EIF4G3: variants seen among roughly 807,000 people sequenced by gnomAD.
EIF4G3 encodes eukaryotic translation initiation factor 4 gamma 3.
In EIF4G3, 34 loss-of-function variants were observed where a neutral mutation model predicts 186.4. That is an observed-to-expected ratio of 0.18 (90% CI 0.14 to 0.24). EIF4G3 has a LOEUF of 0.24. EIF4G3 is among the 10% of genes least tolerant of loss of function. The pLI is 1.00. For missense variants in EIF4G3, 1,536 were observed against 1,948.5 expected (o/e 0.79, Z 3.99); for synonymous variants, 673 against 679.5 (o/e 0.99, Z 0.15).
chr1:21,176,313 G>T lies in EIF4G3; in HGVS notation c.-410C>A. On this transcript the variant is annotated 5_prime_UTR_variant, in exon 2 of 37. Coordinates refer to ENST00000602326, the MANE Select transcript of EIF4G3 (RefSeq NM_001391906.1). The stretch of plus-strand genomic sequence containing the variant: ...AGGCGGTACCGCTGCTGCCGCCGCC[G>T]CCGCCGCTCCGGTGCCGGGTCCGGT... The T allele has an allele frequency of 3.7e-6, 1 of 269,318 alleles. No homozygotes were observed. The highest frequency in any genetic ancestry group is 6.7e-6 in the Non-Finnish European group (1 of 149,046). 16.7% of individuals were successfully genotyped at this position (269,318 alleles called of 1,614,324 possible).
intron 33 of EIF4G3, 150 bp from the exon 34 acceptor site, chr1:20,817,688 T>G (rs1007792853): frequency 4.6e-5 from 20 of 430,254 alleles, no homozygotes; most frequent in Admixed American, 4.6e-4. Flanking sequence ...GTAGTTTTTT[T>G]TTTTTTTTTT....
chr1:21,129,486 AC>A (rs2097112762), intron 2 of EIF4G3, among the ~76,000 whole-genome samples: 1 of 152,060 alleles, frequency 6.6e-6, no homozygotes, highest in Non-Finnish European at 1.5e-5. Flanking sequence ...CACATCTCTC[AC>A]AGTTGCTCAT....
intron 34 of EIF4G3, among the ~76,000 whole-genome samples, chr1:20,816,465 G>A (rs567983784): frequency 6.8e-4 from 72 of 105,554 alleles, no homozygotes; most frequent in Admixed American, 2.1e-3. Context: ...CCCTCTGCCC[G>A]GCCAGTCGCC....
chr1:21,088,077 CAG>C (rs941815929), intron 3 of EIF4G3, among the ~76,000 whole-genome samples: 1 of 151,708 alleles, frequency 6.6e-6, no homozygotes, highest in African/African-American at 2.4e-5. Context: ...GCCTGGGTGA[CAG>C]AGTGAGACCC....
chr1:20,811,536 C>T (rs925226838), intron 35 of EIF4G3, among the ~76,000 whole-genome samples: 2 of 152,216 alleles, frequency 1.3e-5, no homozygotes, highest in Non-Finnish European at 2.9e-5. Context: ...GACATTCTCT[C>T]ACAAATAATA....
At chr1:20,876,694 T>C (rs1389835987) in intron 20 of EIF4G3, among the ~76,000 whole-genome samples, 3 of 152,166 alleles carry the variant, frequency 2.0e-5, no homozygotes, top group African/African-American at 7.2e-5. Flanking sequence ...GTTGTTATCT[T>C]ATAATTTAAA....
chr1:20,978,893 C>A (rs1468162157), intron 10 of EIF4G3, among the ~76,000 whole-genome samples: 1 of 151,528 alleles, frequency 6.6e-6, no homozygotes, highest in Non-Finnish European at 1.5e-5. Context: ...GTTGCTTTGC[C>A]TACTTCACCT....
chr1:20,810,623 G>C lies in EIF4G3; in HGVS notation c.4744+115C>G. On this transcript the variant is annotated intron_variant, in intron 36 of 36. Coordinates refer to ENST00000602326, the MANE Select transcript of EIF4G3 (RefSeq NM_001391906.1). The surrounding 1 kb of genome is among the most constrained non-coding windows in gnomAD (Gnocchi z 4.1). Reference sequence around the variant, plus strand: ...TTATTAAAGTTAGTTATATGAGTTTGTGTTATTAGTGATTCTTTTATTGTC... The same window carrying C: ...TTATTAAAGTTAGTTATATGAGTTTCTGTTATTAGTGATTCTTTTATTGTC... 8.2e-7 allele frequency: 1 copy of C among 1,221,076 alleles called. No homozygotes were observed. The highest frequency in any genetic ancestry group is 1.2e-6 in the Non-Finnish European group (1 of 860,352). 75.6% of individuals were successfully genotyped at this position (1,221,076 alleles called of 1,614,324 possible). A position where few individuals can be genotyped will look rare whatever the true frequency, so the allele number is the denominator to read the frequency against.
At chr1:21,026,317 T>C (rs2092080306) in intron 4 of EIF4G3, among the ~76,000 whole-genome samples, 1 of 152,024 alleles carries the variant, frequency 6.6e-6, no homozygotes, top group Non-Finnish European at 1.5e-5. Context: ...CAACAAATGG[T>C]TCTGGGAGAA....
intron 25 of EIF4G3, among the ~76,000 whole-genome samples, chr1:20,856,958 C>T (rs534324104): frequency 4.0e-5 from 6 of 151,858 alleles, no homozygotes; most frequent in Non-Finnish European, 2.9e-5. Flanking sequence ...GTCAGGAGAT[C>T]GAGACCATCC....
At chr1:20,896,112 G>A (rs567067129) in intron 16 of EIF4G3, among the ~76,000 whole-genome samples, 1 of 152,124 alleles carries the variant, frequency 6.6e-6, no homozygotes, top group East Asian at 1.9e-4. Context: ...TCCTTAACAA[G>A]TAAAAAGATA....
At chr1:21,059,790 A>G (rs2094790872) in intron 3 of EIF4G3, among the ~76,000 whole-genome samples, 1 of 152,234 alleles carries the variant, frequency 6.6e-6, no homozygotes, top group Non-Finnish European at 1.5e-5. Flanking sequence ...TTTCTTATTT[A>G]GTAACTATCC....
At position 20,810,607 on chromosome 1, in the gene EIF4G3, T is replaced by G; in HGVS notation, c.4744+131A>C. ...CCGGCCAAATTCAAATTTATTAAAGTTAGTTATATGAGTTTGTGTTATTAG... is the reference window on the plus strand; with the variant it reads ...CCGGCCAAATTCAAATTTATTAAAGGTAGTTATATGAGTTTGTGTTATTAG... On this transcript the variant is annotated intron_variant, in intron 36 of 36. Transcript: ENST00000602326. This position sits in a 1 kb window ranked among gnomAD's most constrained non-coding sequence, Gnocchi z 4.1. 1 of 1,120,958 alleles carries G rather than the reference T, an allele frequency of 8.9e-7. No individual in the cohort carries two copies. Among genetic ancestry groups the G allele is most frequent in the Non-Finnish European group, 1.3e-6 (1 of 789,178 alleles). The allele number at this position is 1,120,958 out of a possible 1,614,324, so 69.4% of individuals were successfully genotyped here. A position where few individuals can be genotyped will look rare whatever the true frequency, so the allele number is the denominator to read the frequency against.
At chr1:20,867,703 C>T (rs531411717) in intron 20 of EIF4G3, among the ~76,000 whole-genome samples, 2 of 152,216 alleles carry the variant, frequency 1.3e-5, no homozygotes, top group South Asian at 4.1e-4. Context: ...ATTGTAATAA[C>T]ATAGCTATCA....
chr1:20,865,010 T>G, intron 21 of EIF4G3, 106 bp downstream of exon 21: 1 of 1,300,444 alleles, frequency 7.7e-7, no homozygotes, highest in Non-Finnish European at 1.1e-6. Flanking sequence ...AAAAAGGCCA[T>G]AGGTCCCTCT....
At chr1:21,169,900 G>A (rs1221501621) in intron 2 of EIF4G3, among the ~76,000 whole-genome samples, 2 of 152,218 alleles carry the variant, frequency 1.3e-5, no homozygotes, top group East Asian at 1.9e-4. Flanking sequence ...TTACAGGCCA[G>A]GCACGGTGGC....
chr1:20,839,441 T>C (rs935273369), intron 30 of EIF4G3, among the ~76,000 whole-genome samples: 2 of 152,054 alleles, frequency 1.3e-5, no homozygotes, highest in African/African-American at 4.8e-5. Context: ...TAGGGGCAAG[T>C]ATAAATTTTC....
At chr1:21,046,950 T>C (rs909963433) in intron 4 of EIF4G3, among the ~76,000 whole-genome samples, 1 of 152,094 alleles carries the variant, frequency 6.6e-6, no homozygotes, top group African/African-American at 2.4e-5. Flanking sequence ...AAATAATAAA[T>C]GCACTTACTA....
chr1:20,914,759 T>C (rs1217077726), intron 14 of EIF4G3, among the ~76,000 whole-genome samples: 1 of 152,216 alleles, frequency 6.6e-6, no homozygotes, highest in Non-Finnish European at 1.5e-5. Flanking sequence ...TCTAAACATA[T>C]GGGGGATTTT....
Sources: allele counts gnomAD v4.1 joint callset (sites outside exome capture counted in the v4.1 genomes callset), GRCh38; gene constraint gnomAD v4.1.1; non-coding constraint Gnocchi (gnomAD v3.1); transcripts MANE v1.5; gene names NCBI Gene and HGNC (gene_info 2026-07-23, HGNC 2026-07-21).